WDR70: variants seen among roughly 807,000 people sequenced by gnomAD.
WDR70 encodes WD repeat domain 70, also known as WD repeat-containing protein 70.
Under a neutral mutation model 88.6 loss-of-function variants are expected in WDR70, and 53 were observed. The observed-to-expected ratio is 0.60, with a 90% CI of 0.48 to 0.75. The LOEUF is 0.75. Ranked by LOEUF, WDR70 falls within the 30% of genes least tolerant of loss-of-function variation. WDR70 has a pLI of 0.00. For missense variants in WDR70, 610 were observed against 823.2 expected, an observed-to-expected ratio of 0.74 and a Z score of 3.17; for synonymous variants, 280 against 270.0, an observed-to-expected ratio of 1.04 and a Z score of -0.36.
At chr5:37,705,873 A>G (rs1423710753) in intron 13 of WDR70, among the ~76,000 whole-genome samples, 4 of 152,182 alleles carry the variant, frequency 2.6e-5, no homozygotes, top group Non-Finnish European at 4.4e-5. Flanking sequence ...CATTATGTCT[A>G]TCCTAGATGT....
chr5:37,579,171 G>A (rs1424995755), intron 9 of WDR70, among the ~76,000 whole-genome samples: 2 of 152,172 alleles, frequency 1.3e-5, no homozygotes, highest in African/African-American at 2.4e-5. Context: ...CAGTTCTTGG[G>A]ATACCACTGG....
intron 8 of WDR70, among the ~76,000 whole-genome samples, chr5:37,500,647 T>C (rs1740378269): frequency 6.6e-6 from 1 of 151,940 alleles, no homozygotes; most frequent in African/African-American, 2.4e-5. Flanking sequence ...AGGTGGCATC[T>C]CATTTTGGTT....
At chr5:37,409,578 C>T (rs987945991) in intron 5 of WDR70, among the ~76,000 whole-genome samples, 2 of 151,758 alleles carry the variant, frequency 1.3e-5, no homozygotes, top group African/African-American at 4.8e-5. Context: ...GATCTCGTCC[C>T]CCTGCAACCT....
At chr5:37,453,127 GA>G (rs1353283309) in intron 7 of WDR70, among the ~76,000 whole-genome samples, 1 of 152,124 alleles carries the variant, frequency 6.6e-6, no homozygotes, top group Non-Finnish European at 1.5e-5. Context: ...TTTATTATTT[GA>G]TATACATTAT....
intron 9 of WDR70, among the ~76,000 whole-genome samples, chr5:37,557,903 A>G (rs1742341099): frequency 7.6e-6 from 1 of 131,306 alleles, no homozygotes; most frequent in African/African-American, 2.7e-5. Flanking sequence ...TCAGATTTAT[A>G]CTCTTTTGAA....
chr5:37,493,182 C>G (rs1740117431), intron 8 of WDR70, among the ~76,000 whole-genome samples: 1 of 152,122 alleles, frequency 6.6e-6, no homozygotes, highest in African/African-American at 2.4e-5. Flanking sequence ...AAACCAGGGA[C>G]TTAGGACACC....
intron 10 of WDR70, among the ~76,000 whole-genome samples, chr5:37,613,032 G>A (rs1163043390): frequency 2.0e-5 from 3 of 152,138 alleles, no homozygotes; most frequent in Non-Finnish European, 2.9e-5. Context: ...AGTTATATAA[G>A]TTTTAATAAT....
At chr5:37,732,445 C>T (rs1748173345) in intron 17 of WDR70, among the ~76,000 whole-genome samples, 1 of 151,998 alleles carries the variant, frequency 6.6e-6, no homozygotes, top group Non-Finnish European at 1.5e-5. Context: ...TGTTTTCAGC[C>T]TTTTTCTTTC....
At chr5:37,672,157 T>G (rs2112595311) in intron 10 of WDR70, among the ~76,000 whole-genome samples, 1 of 152,226 alleles carries the variant, frequency 6.6e-6, no homozygotes, top group African/African-American at 2.4e-5. Context: ...TTCTCCATTC[T>G]CAATTAACCA....
intron 3 of WDR70, among the ~76,000 whole-genome samples, chr5:37,382,351 G>C (rs1479704389): frequency 6.6e-6 from 1 of 150,464 alleles, no homozygotes; most frequent in Non-Finnish European, 1.5e-5. Context: ...GCCTACCTTG[G>C]CCTCCCAAAG....
At chr5:37,494,036 C>T (rs966993464) in intron 8 of WDR70, among the ~76,000 whole-genome samples, 5 of 152,076 alleles carry the variant, frequency 3.3e-5, no homozygotes, top group African/African-American at 9.7e-5. Context: ...CCAGGCTGGT[C>T]TCAAACTCCT....
In WDR70 at chr5:37,666,109, G is replaced by C. The variant is rs113086486; in HGVS notation, c.1093-31546G>C. On this transcript the variant is annotated intron_variant, in intron 10 of 17. Coordinates refer to ENST00000265107, the MANE Select transcript of WDR70 (RefSeq NM_018034.4). ...TCAGGCAGCTGGACTTCAAAGGGGGGCACCGCCGGGCTTTCCCTCCCGTCT... is the reference window on the plus strand; with the variant it reads ...TCAGGCAGCTGGACTTCAAAGGGGGCCACCGCCGGGCTTTCCCTCCCGTCT... 8.1e-3 allele frequency among the ~76,000 whole-genome samples: 1,238 copies of C among 152,324 alleles called. 19 individuals carry two copies. The highest frequency in any genetic ancestry group is 0.028 in the African/African-American group (1,167 of 41,564).
intron 9 of WDR70, among the ~76,000 whole-genome samples, chr5:37,564,144 A>C (rs866130037): frequency 0.012 from 1,779 of 150,844 alleles, 18 homozygotes; most frequent in Middle Eastern, 0.024. Flanking sequence ...CAGAGGCTGC[A>C]ATCTCGGCAC....
At chr5:37,747,418 G>C (rs545428917) in intron 17 of WDR70, among the ~76,000 whole-genome samples, 1 of 152,228 alleles carries the variant, frequency 6.6e-6, no homozygotes, top group East Asian at 1.9e-4. Flanking sequence ...TATCTCAGTA[G>C]ATGCAGAAAA....
At chr5:37,519,855 G>A (rs1446517926) in intron 9 of WDR70, among the ~76,000 whole-genome samples, 1 of 152,236 alleles carries the variant, frequency 6.6e-6, no homozygotes, top group Non-Finnish European at 1.5e-5. Flanking sequence ...CCTCCAAACT[G>A]TTCTTCATAA....
At chr5:37,499,193 A>C (rs1369380815) in intron 8 of WDR70, among the ~76,000 whole-genome samples, 1 of 150,964 alleles carries the variant, frequency 6.6e-6, no homozygotes, top group Non-Finnish European at 1.5e-5. Context: ...GGCTCACTGC[A>C]ACCTCCACTC....
At chr5:37,593,750 G>A (rs1053862538) in intron 9 of WDR70, among the ~76,000 whole-genome samples, 2 of 152,158 alleles carry the variant, frequency 1.3e-5, no homozygotes, top group African/African-American at 2.4e-5. Context: ...GGTTGAACTA[G>A]TTTACGGTCC....
At position 37,752,738 on chromosome 5, in the gene WDR70, G is replaced by T; in HGVS notation, c.*165G>T. 1 of 564,698 alleles carries T rather than the reference G, an allele frequency of 1.8e-6. No homozygotes were observed. Among genetic ancestry groups the T allele is most frequent in the South Asian group, 2.4e-5 (1 of 41,942 alleles). The allele number at this position is 564,698 out of a possible 1,614,324, so 35.0% of individuals were successfully genotyped here. A position where few individuals can be genotyped will look rare whatever the true frequency, so the allele number is the denominator to read the frequency against. On this transcript the variant is annotated 3_prime_UTR_variant, in exon 18 of 18. Coordinates refer to ENST00000265107, the MANE Select transcript of WDR70 (RefSeq NM_018034.4). ...GGTGGCTAGGCTTCACTAAAATTGT[G>T]CTTAAATTTTCTTACCTGCAACTAT...
At chr5:37,736,447 A>G (rs1218685358) in intron 17 of WDR70, among the ~76,000 whole-genome samples, 3 of 152,168 alleles carry the variant, frequency 2.0e-5, no homozygotes, top group Admixed American at 1.3e-4. Context: ...GTGAAGGTTT[A>G]TGTGTTATTT....
Sources: gnomAD v4.1 joint callset for allele counts (sites outside exome capture counted in the v4.1 genomes callset) on GRCh38, gnomAD v4.1.1 for gene constraint, MANE v1.5 for transcripts, NCBI Gene and HGNC (gene_info 2026-07-23, HGNC 2026-07-21) for gene names.